ATP12A: variants seen among roughly 807,000 people sequenced by gnomAD.
ATP12A encodes the protein potassium-transporting ATPase alpha chain 2.
A neutral mutation model predicts 111.2 loss-of-function variants in ATP12A; 81 were observed. That is an observed-to-expected ratio of 0.73 (90% CI 0.61 to 0.88). The LOEUF (loss-of-function observed/expected upper bound fraction) is 0.88, where lower values mean the gene tolerates loss of function less well. Among genes scored for constraint, ATP12A ranks in the 40% least tolerant of loss-of-function variants. ATP12A has a pLI of 0.00. For missense variants in ATP12A, 1,196 were observed against 1,313.1 expected, an observed-to-expected ratio of 0.91 and a Z score of 1.38; for synonymous variants, 498 against 499.8, an observed-to-expected ratio of 1.00 and a Z score of 0.05.
intron 11 of ATP12A, among the ~76,000 whole-genome samples, chr13:24,696,061 T>C (rs1238483112): frequency 6.6e-6 from 1 of 151,872 alleles, no homozygotes; most frequent in African/African-American, 2.4e-5. Flanking sequence ...AAAGTGAAAA[T>C]AGAGTGCGCA....
chr13:24,686,020 CTTTCATTGGT>C (rs1401948801), intron 3 of ATP12A, among the ~76,000 whole-genome samples: 1 of 152,136 alleles, frequency 6.6e-6, no homozygotes, highest in African/African-American at 2.4e-5. Context: ...CATGGAGGTG[CTTTCATTGGT>C]TTTCAAAAGG....
At chr13:24,701,845 G>A (rs1875410536) in intron 13 of ATP12A, 90 bp from the exon 14 acceptor site, 5 of 1,533,436 alleles carry the variant, frequency 3.3e-6, no homozygotes, top group Non-Finnish European at 4.5e-6. Flanking sequence ...TTCTCCCAGG[G>A]CACTACAGAG....
In ATP12A at chr13:24,707,099, T is replaced by G. The variant is rs1043365980; in HGVS notation, c.2246T>G (p.Met749Arg). ...ALKKADIGIAMGIAGSDAAKN... is the reference protein window; with the variant it reads ...ALKKADIGIARGIAGSDAAKN... ...AAGAAGGCAGACATTGGGATTGCCATGGGGATAGCAGGTTCTGATGCAGCC... is the reference window on the plus strand; with the variant it reads ...AAGAAGGCAGACATTGGGATTGCCAGGGGGATAGCAGGTTCTGATGCAGCC... Residue 749 changes from methionine to arginine, a missense_variant, in exon 16 of 23, where the codon ATG becomes AGG. Physicochemically the swap from Met to Arg is moderately conservative, Grantham distance 91 (BLOSUM62 -1). Coordinates refer to ENST00000381946, the MANE Select transcript of ATP12A (RefSeq NM_001676.7). 1.2e-6 allele frequency: 2 copies of G among 1,614,064 alleles called. No homozygotes were observed. Among genetic ancestry groups the G allele is most frequent in the Non-Finnish European group, 1.7e-6 (2 of 1,180,006 alleles).
At chr13:24,702,770 G>A (rs985603860) in intron 14 of ATP12A, among the ~76,000 whole-genome samples, 3 of 152,088 alleles carry the variant, frequency 2.0e-5, no homozygotes, top group Admixed American at 1.3e-4. Context: ...TCTTTCCATC[G>A]AGCCAAGGAG....
chr13:24,680,791 C>A, intron 1 of ATP12A, 39 bp downstream of exon 1: 1 of 1,476,060 alleles, frequency 6.8e-7, no homozygotes, highest in Admixed American at 2.4e-5. Flanking sequence ...ATGCGAGACG[C>A]TGGGCCAAGG....
chr13:24,692,860 G>A lies in ATP12A; in HGVS notation c.1341G>A (p.Glu447=). 2 of 1,614,222 alleles carry A rather than the reference G, an allele frequency of 1.2e-6. No homozygotes were observed. The highest frequency in any genetic ancestry group is 1.7e-6 in the Non-Finnish European group (2 of 1,180,036). ...SKIITLCNRA[E]FKPGQENVPI... is the part of the protein sequence containing the mutation. ...TAATAACATTGTGTAACCGAGCAGA[G>A]TTCAAGCCAGGACAGGAAAATGTCC... Residue 447 remains glutamate, a synonymous_variant, in exon 10 of 23, where the codon GAG becomes GAA. Transcript: ENST00000381946.
chr13:24,694,369 GTT>G, intron 10 of ATP12A, 73 bp from the exon 11 acceptor site: 1 of 1,576,882 alleles, frequency 6.3e-7, no homozygotes, highest in Non-Finnish European at 8.6e-7. Flanking sequence ...AGGAGGGTGT[GTT>G]TTGGGTCCTA....
At chr13:24,682,758 C>G (rs73158345) in intron 2 of ATP12A, among the ~76,000 whole-genome samples, 20,227 of 152,032 alleles carry the variant, frequency 0.13, 1,400 homozygotes, top group Middle Eastern at 0.2. Flanking sequence ...CATCAGAGTC[C>G]CACTTCTCCA....
In ATP12A at chr13:24,711,710, T is replaced by C. The variant is rs1484683710; in HGVS notation, c.*188T>C. The C allele has an allele frequency of 5.7e-6, 4 of 699,048 alleles. No individual in the cohort carries two copies. Among genetic ancestry groups the C allele is most frequent in the Non-Finnish European group, 9.5e-6 (4 of 422,956 alleles). The allele number at this position is 699,048 out of a possible 1,614,324, so 43.3% of individuals were successfully genotyped here. A position where few individuals can be genotyped will look rare whatever the true frequency, so the allele number is the denominator to read the frequency against. On this transcript the variant is annotated 3_prime_UTR_variant, in exon 23 of 23. Coordinates refer to ENST00000381946, the MANE Select transcript of ATP12A (RefSeq NM_001676.7). ...GCACTTTAAAACTGAAATTCAACTC[T>C]TTATATAGGATTTTCTTTTCTATCT...
At chr13:24,705,908 A>G (rs529428532) in intron 14 of ATP12A, among the ~76,000 whole-genome samples, 1 of 152,234 alleles carries the variant, frequency 6.6e-6, no homozygotes, top group African/African-American at 2.4e-5. Context: ...TCTTGGCCTC[A>G]AGTGATCCTC....
intron 14 of ATP12A, among the ~76,000 whole-genome samples, chr13:24,705,706 G>A (rs965919032): frequency 2.0e-5 from 3 of 152,136 alleles, no homozygotes; most frequent in African/African-American, 7.2e-5. Context: ...GTCTCACTTT[G>A]TCACCCAGGC....
rs368123804 is a variant in ATP12A at position 24,709,387 on chromosome 13, C to T, written c.2517C>T (p.Tyr839=). The T allele has an allele frequency of 1.3e-5, 21 of 1,611,366 alleles. No individual in the cohort carries two copies. Among genetic ancestry groups the T allele is most frequent in the Admixed American group, 1.7e-5 (1 of 59,802 alleles). The change falls in exon 18 of 23, where the codon TAC becomes TAT. Residue 839 remains tyrosine, a synonymous_variant. Coordinates refer to ENST00000381946, the MANE Select transcript of ATP12A (RefSeq NM_001676.7). ...TDIIPSIALA[Y]EKAESDIMNR... is the part of the protein sequence containing the mutation. ...AGATCCCCTCCATTGCCTTGGCGTACGAGAAAGCTGAAAGTGACATCATGA... is the reference window on the plus strand; with the variant it reads ...AGATCCCCTCCATTGCCTTGGCGTATGAGAAAGCTGAAAGTGACATCATGA...
At chr13:24,705,106 A>G (rs1186071927) in intron 14 of ATP12A, among the ~76,000 whole-genome samples, 2 of 152,234 alleles carry the variant, frequency 1.3e-5, no homozygotes, top group African/African-American at 4.8e-5. Context: ...ACAGACCTAG[A>G]AAGCTCAAAA....
At position 24,710,489 on chromosome 13, in the gene ATP12A, G is replaced by T; in HGVS notation, c.2793G>T (p.Trp931Cys). 1 of 1,614,144 alleles carries T rather than the reference G, an allele frequency of 6.2e-7. No homozygotes were observed. The highest frequency in any genetic ancestry group is 8.5e-7 in the Non-Finnish European group (1 of 1,180,034). Residue 931 changes from tryptophan (W) to cysteine (C), a missense_variant, in exon 20 of 23, where the codon TGG (tryptophan) becomes TGT (cysteine). Transcript: ENST00000381946. ...GGTACCAGAGGGAATACCTAGAATG[G>T]ACGGGCTACACGGCTTTCTTTGTTG... ...WTRYQREYLE[W>C]TGYTAFFVGI...
In ATP12A at chr13:24,681,645, T is replaced by C. The variant is rs933951394; in HGVS notation, c.93T>C (p.Tyr31=). ...KTDKGDGKEK[Y]RGLKNNCLEL... is the part of the protein sequence containing the mutation. Reference sequence around the variant, plus strand: ...ACAAGGGGGATGGCAAGGAGAAGTATAGGGGTCTGAAGAACAACTGCCTGG... The same window carrying C: ...ACAAGGGGGATGGCAAGGAGAAGTACAGGGGTCTGAAGAACAACTGCCTGG... The change falls in exon 2 of 23, where the codon TAT becomes TAC. Residue 31 remains tyrosine, a synonymous_variant. Coordinates refer to ENST00000381946, the MANE Select transcript of ATP12A (RefSeq NM_001676.7). 1.9e-6 allele frequency: 3 copies of C among 1,614,064 alleles called. No homozygotes were observed. The highest frequency in any genetic ancestry group is 2.5e-6 in the Non-Finnish European group (3 of 1,180,050).
intron 2 of ATP12A, among the ~76,000 whole-genome samples, chr13:24,682,108 ATG>A (rs1196485756): frequency 1.7e-3 from 40 of 23,406 alleles, no homozygotes; most frequent in African/African-American, 5.8e-3. Flanking sequence ...TGTGTGTGTG[ATG>A]TGTGTGTGGT....
chr13:24,709,279 G>GCCCCCCCCCCCCCCCC, intron 17 of ATP12A, 85 bp from the exon 18 acceptor site: 7 of 211,220 alleles, frequency 3.3e-5, no homozygotes, highest in South Asian at 7.9e-5. Context: ...TCCAGCCAGT[G>GCCCCCCCCCCCCCCCC]CCCCACCCAC....
Position 24,685,430 on chromosome 13 carries a change from G to T in ATP12A, c.228+57G>T. 2 of 1,567,046 alleles carry T rather than the reference G, an allele frequency of 1.3e-6. No individual in the cohort carries two copies. The highest frequency in any genetic ancestry group is 2.2e-5 in the East Asian group (1 of 44,694). On this transcript the variant is annotated intron_variant, in intron 3 of 22. Coordinates refer to ENST00000381946, the MANE Select transcript of ATP12A (RefSeq NM_001676.7). The surrounding 1 kb of genome is among the most constrained non-coding windows in gnomAD (Gnocchi z 5.5). ...AAGCCTCCCAACTCTACAGAGGGAA[G>T]GCTGTGTGTGGCGGGGGGCTGTGTG...
intron 2 of ATP12A, among the ~76,000 whole-genome samples, chr13:24,683,087 A>G (rs1338109021): frequency 6.6e-6 from 1 of 151,652 alleles, no homozygotes; most frequent in Admixed American, 6.6e-5. Context: ...CTCCCGAGTC[A>G]CTGGGATTAC....
Sources: allele counts gnomAD v4.1 joint callset (sites outside exome capture counted in the v4.1 genomes callset), GRCh38; gene constraint gnomAD v4.1.1; non-coding constraint Gnocchi (gnomAD v3.1); transcripts MANE v1.5; gene names NCBI Gene and HGNC (gene_info 2026-07-23, HGNC 2026-07-21).